Variants in PLCE1 observed in about 807,000 individuals in gnomAD.
PLCE1 encodes phospholipase C epsilon 1, also known as 1-phosphatidylinositol 4,5-bisphosphate phosphodiesterase epsilon-1.
PLCE1 carries 119 observed loss-of-function variants against 242.8 expected under a neutral mutation model. The observed-to-expected ratio is 0.49, with a 90% CI of 0.42 to 0.57. The LOEUF (loss-of-function observed/expected upper bound fraction) is 0.57. Among genes scored for constraint, PLCE1 ranks in the 20% least tolerant of loss-of-function variants. The pLI, the probability that PLCE1 is intolerant of heterozygous loss-of-function variation, is 0.00. For synonymous variants in PLCE1, 945 were observed against 1,017.4 expected, an observed-to-expected ratio of 0.93 and a Z score of 1.35; for missense variants, 2,441 against 2,788.8, an observed-to-expected ratio of 0.88 and a Z score of 2.81.
chr10:94,318,120 C>G (rs1287471401), intron 29 of PLCE1, among the ~76,000 whole-genome samples: 1 of 152,198 alleles, frequency 6.6e-6, no homozygotes, highest in East Asian at 1.9e-4. Flanking sequence ...CCTTCTTTCC[C>G]TGACCTTGCC....
rs760609959 is a variant in PLCE1, at chr10:94,246,016, G to A, written c.2491G>A (p.Gly831Ser). The A allele has an allele frequency of 1.9e-6, 3 of 1,614,072 alleles. No individual in the cohort carries two copies. The highest frequency in any genetic ancestry group is 2.5e-6 in the Non-Finnish European group (3 of 1,179,964). ...FEQSKEYDSH[G>S]SEDSQKAFDH... ...GCAATCCAAAGAATACGACTCTCATGGTTCAGAGGACTCACAGAAGGCCTT... is the reference window on the plus strand; with the variant it reads ...GCAATCCAAAGAATACGACTCTCATAGTTCAGAGGACTCACAGAAGGCCTT... Residue 831 changes from glycine to serine, a missense_variant, in exon 8 of 33, where the codon GGT becomes AGT. Gly to Ser is a moderately conservative substitution (Grantham distance 56). Coordinates refer to ENST00000371380, the MANE Select transcript of PLCE1 (RefSeq NM_016341.4).
At chr10:94,157,814 C>A (rs1016195256) in intron 3 of PLCE1, among the ~76,000 whole-genome samples, 1 of 152,182 alleles carries the variant, frequency 6.6e-6, no homozygotes, top group Admixed American at 6.5e-5. Context: ...AGAAAACCTT[C>A]GAGTCAGTGT....
chr10:94,217,251 C>T (rs1462896485), intron 4 of PLCE1, among the ~76,000 whole-genome samples: 4 of 151,880 alleles, frequency 2.6e-5, no homozygotes, highest in Non-Finnish European at 4.4e-5. Context: ...GTCCCTCTCA[C>T]AAGCCTACCA....
At chr10:94,121,357 C>A (rs975187738) in intron 2 of PLCE1, among the ~76,000 whole-genome samples, 1 of 152,182 alleles carries the variant, frequency 6.6e-6, no homozygotes, top group Admixed American at 6.5e-5. Flanking sequence ...AGAACAGAAG[C>A]AAACTATCCC....
chr10:94,220,812 G>A lies in PLCE1; in HGVS notation c.1810-6494G>A, dbSNP rs1206864930. Among the ~76,000 whole-genome samples the A allele has an allele frequency of 9.2e-5, 14 of 152,264 alleles. No homozygotes were observed. The East Asian group carries it at 2.1e-3, about 23-fold the overall frequency. ...AACAGTATGCCCATTTTACTGAAAA[G>A]GGAATTAGGGCTCAGAGCAGTTAGA... On this transcript the variant is annotated intron_variant, in intron 4 of 32. Transcript: ENST00000371380.
intron 2 of PLCE1, among the ~76,000 whole-genome samples, chr10:94,111,479 T>A (rs948428672): frequency 2.0e-5 from 3 of 152,192 alleles, no homozygotes; most frequent in African/African-American, 7.2e-5. Context: ...AAATTCCTCC[T>A]GACAGGGAAC....
chr10:94,068,370 A>G (rs2044255157), intron 2 of PLCE1, among the ~76,000 whole-genome samples: 1 of 151,204 alleles, frequency 6.6e-6, no homozygotes, highest in Non-Finnish European at 1.5e-5. Context: ...AATCACAAAT[A>G]GAAAATATTC....
At chr10:94,169,352 A>C (rs2047901490) in intron 3 of PLCE1, among the ~76,000 whole-genome samples, 1 of 152,220 alleles carries the variant, frequency 6.6e-6, no homozygotes, top group Non-Finnish European at 1.5e-5. Flanking sequence ...AGGAAAAAGG[A>C]AACTGAACAT....
intron 28 of PLCE1, 61 bp from the exon 29 acceptor site, chr10:94,316,486 G>C: frequency 9.5e-7 from 1 of 1,049,492 alleles, no homozygotes; most frequent in Non-Finnish European, 1.5e-6. Context: ...TGAACACCAT[G>C]AAAGTTGATT....
intron 1 of PLCE1, among the ~76,000 whole-genome samples, chr10:94,018,742 T>C (rs1431749842): frequency 6.6e-6 from 1 of 152,212 alleles, no homozygotes; most frequent in Non-Finnish European, 1.5e-5. Flanking sequence ...AATGATTTCC[T>C]GTAGGGAGGG....
At chr10:94,166,993 A>C (rs2047825666) in intron 3 of PLCE1, among the ~76,000 whole-genome samples, 1 of 152,198 alleles carries the variant, frequency 6.6e-6, no homozygotes, top group South Asian at 2.1e-4. Context: ...CAGTCTAGTT[A>C]AGATATGCTA....
chr10:94,236,457 G>GT (rs572202179), intron 7 of PLCE1, among the ~76,000 whole-genome samples: 388 of 151,692 alleles, frequency 2.6e-3, no homozygotes, highest in African/African-American at 8.2e-3. Flanking sequence ...TTATTTCCTA[G>GT]TTTTTGTAAC....
In PLCE1 at chr10:94,328,173, T is replaced by C. The variant is rs796811868; in HGVS notation, c.*230T>C. ...TGAAGCCCAGGGGACTGCCATTTTATAAATGTCAGCAGTTGGAAAAATCGT... is the reference window on the plus strand; with the variant it reads ...TGAAGCCCAGGGGACTGCCATTTTACAAATGTCAGCAGTTGGAAAAATCGT... On this transcript the variant is annotated 3_prime_UTR_variant, in exon 33 of 33. Coordinates refer to ENST00000371380, the MANE Select transcript of PLCE1 (RefSeq NM_016341.4). 6 of 294,772 alleles carry C rather than the reference T, an allele frequency of 2.0e-5. No homozygotes were observed. The highest frequency in any genetic ancestry group is 1.3e-4 in the African/African-American group (6 of 45,718). 18.3% of individuals were successfully genotyped at this position (294,772 alleles called of 1,614,324 possible). A position where few individuals can be genotyped will look rare whatever the true frequency, so the allele number is the denominator to read the frequency against.
At chr10:94,074,527 A>G (rs1277831893) in intron 2 of PLCE1, among the ~76,000 whole-genome samples, 1 of 152,216 alleles carries the variant, frequency 6.6e-6, no homozygotes, top group African/African-American at 2.4e-5. Flanking sequence ...CAGAGTTGGC[A>G]TGCAATGTGA....
intron 3 of PLCE1, among the ~76,000 whole-genome samples, chr10:94,165,798 C>T (rs2047783547): frequency 6.6e-6 from 1 of 151,930 alleles, no homozygotes; most frequent in South Asian, 2.1e-4. Flanking sequence ...ACCTCCGCCT[C>T]CTGGGTTCAA....
chr10:94,095,397 C>T (rs527950132), intron 2 of PLCE1, among the ~76,000 whole-genome samples: 6 of 152,132 alleles, frequency 3.9e-5, no homozygotes, highest in African/African-American at 1.4e-4. Context: ...CTCTCTGTCA[C>T]CCAGGCTGGA....
chr10:94,196,558 G>A (rs577680177), intron 4 of PLCE1, among the ~76,000 whole-genome samples: 49 of 152,276 alleles, frequency 3.2e-4, no homozygotes, highest in Admixed American at 1.0e-3. Context: ...AGCCAAGTCA[G>A]GAGGATCACT....
At chr10:94,281,365 T>C (rs185079992) in intron 20 of PLCE1, among the ~76,000 whole-genome samples, 36 of 152,344 alleles carry the variant, frequency 2.4e-4, no homozygotes, top group Admixed American at 8.5e-4. Flanking sequence ...ATTATTATTA[T>C]ACTGTAGATT....
At chr10:94,206,220 G>A (rs893373884) in intron 4 of PLCE1, among the ~76,000 whole-genome samples, 16 of 152,184 alleles carry the variant, frequency 1.1e-4, no homozygotes, top group African/African-American at 3.1e-4. Context: ...GACATGCAAA[G>A]CAAGAACATT....
Sources: gnomAD v4.1 joint callset for allele counts (sites outside exome capture counted in the v4.1 genomes callset) on GRCh38, gnomAD v4.1.1 for gene constraint, MANE v1.5 for transcripts, NCBI Gene and HGNC (gene_info 2026-07-23, HGNC 2026-07-21) for gene names.